Variants in ZNF347 observed in about 807,000 individuals in gnomAD.
ZNF347 encodes CTD-2620I22.7.
In ZNF347, 19 loss-of-function variants were observed where a neutral mutation model predicts 12.9. That is an observed-to-expected ratio of 1.47 (90% CI 1.03 to 2.16). The LOEUF (loss-of-function observed/expected upper bound fraction) is 2.16. Among genes scored for constraint, ZNF347 ranks in the 30% most tolerant of loss-of-function variants. The pLI, the probability that ZNF347 is intolerant of heterozygous loss-of-function variation, is 0.00. For missense variants in ZNF347, 1,005 were observed against 990.6 expected (o/e 1.01, Z -0.19); for synonymous variants, 328 against 340.6 (o/e 0.96, Z 0.41).
intron 1 of ZNF347, among the ~76,000 whole-genome samples, chr19:53,157,413 G>T (rs2090542764): frequency 6.6e-6 from 1 of 151,904 alleles, no homozygotes; most frequent in African/African-American, 2.4e-5. Flanking sequence ...TCTCACATTA[G>T]CTTATTTTTT....
intron 1 of ZNF347, among the ~76,000 whole-genome samples, chr19:53,155,839 T>C (rs887424085): frequency 1.3e-5 from 2 of 152,102 alleles, no homozygotes; most frequent in Non-Finnish European, 2.9e-5. Context: ...GAACAGGCCA[T>C]TCCCAGTCAC....
intron 1 of ZNF347, 138 bp from the exon 2 acceptor site, chr19:53,153,931 T>C (rs1216151532): frequency 3.2e-6 from 2 of 633,684 alleles, no homozygotes; most frequent in Non-Finnish European, 5.6e-6. Context: ...TGTGGAAAGA[T>C]GGTCTCAGCT....
In ZNF347 at chr19:53,149,379, A is replaced by G. The variant is rs2090483643; in HGVS notation, c.16-12T>C. 1 of 1,613,390 alleles carries G rather than the reference A, an allele frequency of 6.2e-7. No individual in the cohort carries two copies. Among genetic ancestry groups the G allele is most frequent in the Non-Finnish European group, 8.5e-7 (1 of 1,179,636 alleles). Reference sequence around the variant, plus strand: ...AATGTCACCTGTCCCTAAAATGAAAAACACATCCACCAGGGGGATATAAGG... The same window carrying G: ...AATGTCACCTGTCCCTAAAATGAAAGACACATCCACCAGGGGGATATAAGG... On this transcript the variant is annotated splice_polypyrimidine_tract_variant and intron_variant, in intron 2 of 4. Coordinates refer to ENST00000334197, the MANE Select transcript of ZNF347 (RefSeq NM_032584.3).
intron 2 of ZNF347, among the ~76,000 whole-genome samples, chr19:53,150,643 GA>G (rs1336311491): frequency 2.0e-5 from 3 of 152,192 alleles, no homozygotes; most frequent in African/African-American, 7.2e-5. Context: ...TGACTTTAAA[GA>G]AAGGTCAGAA....
At position 53,153,775 on chromosome 19, in the gene ZNF347, T is replaced by A; in HGVS notation, c.-28A>T. On this transcript the variant is annotated 5_prime_UTR_variant, in exon 2 of 5. Transcript: ENST00000334197. ...CTGACTTGTCTTTCTTTCCTCTTCCTCTTCTTCAAGGGTTCTTCCTTAGGT... is the reference window on the plus strand; with the variant it reads ...CTGACTTGTCTTTCTTTCCTCTTCCACTTCTTCAAGGGTTCTTCCTTAGGT... The A allele has an allele frequency of 6.2e-7, 1 of 1,614,076 alleles. No individual in the cohort carries two copies. Among genetic ancestry groups the A allele is most frequent in the Non-Finnish European group, 8.5e-7 (1 of 1,179,940 alleles).
At chr19:53,152,782 T>C (rs756910517) in intron 2 of ZNF347, among the ~76,000 whole-genome samples, 1 of 149,882 alleles carries the variant, frequency 6.7e-6, no homozygotes, top group Non-Finnish European at 1.5e-5. Context: ...TACAAAAAAT[T>C]AGCCGGGCAT....
rs1489656380 is a variant in ZNF347 at position 53,135,097 on chromosome 19, C to CT, written c.*5210dup. ...GTTACTGTAGCATCATCATTAAAAGCTTTGTCTTTGCAACCAGACAACATG... is the reference window on the plus strand; with the variant it reads ...GTTACTGTAGCATCATCATTAAAAGCTTTTGTCTTTGCAACCAGACAACATG... On this transcript the variant is annotated 3_prime_UTR_variant, in exon 5 of 5. Transcript: ENST00000334197. 1 of 151,880 alleles carries CT rather than the reference C, an allele frequency of 6.6e-6. No individual in the cohort carries two copies. The highest frequency in any genetic ancestry group is 1.9e-4 in the East Asian group (1 of 5,186). The allele number at this position is 151,880 out of a possible 1,614,324, so 9.4% of individuals were successfully genotyped here.
intron 3 of ZNF347, 196 bp from the exon 4 acceptor site, chr19:53,149,005 A>G (rs2090480748): frequency 4.6e-6 from 5 of 1,089,562 alleles, no homozygotes; most frequent in Non-Finnish European, 6.4e-6. Flanking sequence ...AAACCACTGA[A>G]TCAAAGCATG....
chr19:53,135,335 T>TAGAGAGAGAGAGAGAGAGAG lies in ZNF347; in HGVS notation c.*4972_*4973insCTCTCTCTCTCTCTCTCTCT, dbSNP rs2090381414. The TAGAGAGAGAGAGAGAGAGAG allele has an allele frequency of 2.5e-5, 2 of 79,318 alleles. No individual in the cohort carries two copies. Among genetic ancestry groups the TAGAGAGAGAGAGAGAGAGAG allele is most frequent in the African/African-American group, 1.2e-4 (2 of 16,948 alleles). The allele number at this position is 79,318 out of a possible 1,614,324, so 4.9% of individuals were successfully genotyped here. ...ATATATATATATATATATATATATA[T>TAGAGAGAGAGAGAGAGAGAG]ATATAGAGAGAGAGAGAGAGAGAGA... On this transcript the variant is annotated 3_prime_UTR_variant, in exon 5 of 5. Transcript: ENST00000334197.
chr19:53,146,069 A>G lies in ZNF347; in HGVS notation c.271+2612T>C, dbSNP rs115321957. On this transcript the variant is annotated intron_variant, in intron 4 of 4. Transcript: ENST00000334197. ...CAGCTCACCATAACCTCTGCCTCCC[A>G]AGTTCGAGAGATTCCCCTGCCTCAG... is the stretch of plus-strand genomic sequence containing the variant. Among the ~76,000 whole-genome samples, 1,098 of 151,558 alleles carry G rather than the reference A, an allele frequency of 7.2e-3. 13 individuals carry two copies. The highest frequency in any genetic ancestry group is 0.024 in the African/African-American group (1,005 of 41,304).
intron 3 of ZNF347, chr19:53,149,034 T>C (rs1021962745): frequency 8.6e-6 from 10 of 1,159,146 alleles, no homozygotes; most frequent in East Asian, 5.3e-5. Flanking sequence ...AAACAGGGAA[T>C]TGGATATTTT....
Position 53,135,641 on chromosome 19 carries a change from G to T in ZNF347, c.*4667C>A. On this transcript the variant is annotated 3_prime_UTR_variant, in exon 5 of 5. Transcript: ENST00000334197. Reference sequence around the variant, plus strand: ...CCCCGCCTCGGCCTCCCAAAGTGCTGGGATTACAGGCATGAGCCACTGTGC... The same window carrying T: ...CCCCGCCTCGGCCTCCCAAAGTGCTTGGATTACAGGCATGAGCCACTGTGC... 6.6e-6 allele frequency: 1 copy of T among 152,272 alleles called. No homozygotes were observed. Among genetic ancestry groups the T allele is most frequent in the Non-Finnish European group, 1.5e-5 (1 of 68,056 alleles). The allele number at this position is 152,272 out of a possible 1,614,324, so 9.4% of individuals were successfully genotyped here.
At chr19:53,157,823 C>G (rs2090545358) in intron 1 of ZNF347, among the ~76,000 whole-genome samples, 1 of 152,152 alleles carries the variant, frequency 6.6e-6, no homozygotes, top group Non-Finnish European at 1.5e-5. Flanking sequence ...GTCTGAGGAG[C>G]CTCCCACTTT....
intron 4 of ZNF347, among the ~76,000 whole-genome samples, chr19:53,142,906 G>T (rs2090439070): frequency 6.6e-6 from 1 of 152,114 alleles, no homozygotes; most frequent in African/African-American, 2.4e-5. Flanking sequence ...TGTTTTACAA[G>T]AAATGATAAA....
intron 4 of ZNF347, among the ~76,000 whole-genome samples, chr19:53,145,635 C>T (rs1170969954): frequency 6.6e-6 from 1 of 151,948 alleles, no homozygotes; most frequent in Non-Finnish European, 1.5e-5. Flanking sequence ...TCAAGCAATC[C>T]GCCTGCCTCA....
At position 53,140,220 on chromosome 19, in the gene ZNF347, A is replaced by C; in HGVS notation, c.*88T>G. ...CAGCCAGTCATTGCATTTTCAAGGA[A>C]TCTCTCAGGCATAAATTCTCTGACG... is the stretch of plus-strand genomic sequence containing the variant. On this transcript the variant is annotated 3_prime_UTR_variant, in exon 5 of 5. Coordinates refer to ENST00000334197, the MANE Select transcript of ZNF347 (RefSeq NM_032584.3). 1 of 1,288,952 alleles carries C rather than the reference A, an allele frequency of 7.8e-7. No individual in the cohort carries two copies. The highest frequency in any genetic ancestry group is 1.1e-6 in the Non-Finnish European group (1 of 931,350). 79.8% of individuals were successfully genotyped at this position (1,288,952 alleles called of 1,614,324 possible). A position where few individuals can be genotyped will look rare whatever the true frequency, so the allele number is the denominator to read the frequency against.
chr19:53,143,538 C>T (rs2090443473), intron 4 of ZNF347, among the ~76,000 whole-genome samples: 1 of 151,750 alleles, frequency 6.6e-6, no homozygotes, highest in Admixed American at 6.6e-5. Context: ...TCATCCATGT[C>T]CCTAAAAAGG....
At position 53,156,067 on chromosome 19, in the gene ZNF347, G is replaced by A. The variant is rs141185953; in HGVS notation, c.-46-2274C>T. Among the ~76,000 whole-genome samples the A allele has an allele frequency of 2.9e-3, 421 of 144,934 alleles. 22 individuals carry two copies. Among genetic ancestry groups the A allele is most frequent in the African/African-American group, 9.3e-3 (359 of 38,656 alleles). ...GCTCGGGGGGGGGGGGGGGTTAGGC[G>A]GGGGTCCTACAATTTCATTCAACTC... On this transcript the variant is annotated intron_variant, in intron 1 of 4. Coordinates refer to ENST00000334197, the MANE Select transcript of ZNF347 (RefSeq NM_032584.3).
In ZNF347 at chr19:53,136,550, T is replaced by G. The variant is rs143297945; in HGVS notation, c.*3758A>C. The G allele has an allele frequency of 6.8e-6, 1 of 147,518 alleles. No homozygotes were observed. The highest frequency in any genetic ancestry group is 1.5e-5 in the Non-Finnish European group (1 of 67,132). 9.1% of individuals were successfully genotyped at this position (147,518 alleles called of 1,614,324 possible). Reference sequence around the variant, plus strand: ...GAGTTCAAGACCAACCTGGCCAACATAGCGAGACCCCACGTCTAAAAAGAA... The same window carrying G: ...GAGTTCAAGACCAACCTGGCCAACAGAGCGAGACCCCACGTCTAAAAAGAA... On this transcript the variant is annotated 3_prime_UTR_variant, in exon 5 of 5. Transcript: ENST00000334197.
Sources: gnomAD v4.1 joint callset for allele counts (sites outside exome capture counted in the v4.1 genomes callset) on GRCh38, gnomAD v4.1.1 for gene constraint, MANE v1.5 for transcripts, NCBI Gene and HGNC (gene_info 2026-07-23, HGNC 2026-07-21) for gene names.